ROBO2: variants seen among roughly 807,000 people sequenced by gnomAD.
ROBO2 encodes the protein roundabout guidance receptor 2.
A neutral mutation model predicts 160.8 loss-of-function variants in ROBO2; 53 were observed. The observed-to-expected ratio is 0.33, with a 90% CI of 0.26 to 0.41. The LOEUF (loss-of-function observed/expected upper bound fraction) is 0.41, where lower values mean the gene tolerates loss of function less well. ROBO2 is among the 10% of genes least tolerant of loss of function. The pLI, the probability that ROBO2 is intolerant of heterozygous loss-of-function variation, is 1.00. For synonymous variants in ROBO2, 664 were observed against 611.7 expected, an observed-to-expected ratio of 1.09 and a Z score of -1.26; for missense variants, 1,577 against 1,722.4, an observed-to-expected ratio of 0.92 and a Z score of 1.49.
chr3:77,344,588 G>C (rs2067426906), intron 2 of ROBO2, among the ~76,000 whole-genome samples: 1 of 152,128 alleles, frequency 6.6e-6, no homozygotes, highest in South Asian at 2.1e-4. Context: ...CCAGTGACTT[G>C]ATTTGGATTT....
chr3:76,570,364 T>C lies in ROBO2; in HGVS notation c.110-527650T>C, dbSNP rs533966322. ...TACTTAAAACAGAGAGGATAAATCA[T>C]AGAAATAACTTAGTCTAGACACATT... On this transcript the variant is annotated intron_variant, in intron 2 of 26. Coordinates refer to the ROBO2 transcript ENST00000487694. Among the ~76,000 whole-genome samples, 15 of 152,296 alleles carry C rather than the reference T, an allele frequency of 9.8e-5. No homozygotes were observed. In the East Asian group the frequency reaches 2.7e-3, roughly 27 times the overall value.
rs547880354 is a variant in ROBO2 at position 77,104,862 on chromosome 3, G to A, written c.388+6522G>A. On this transcript the variant is annotated intron_variant, in intron 2 of 25. Transcript: ENST00000461745. ...AAAAATATAGAACAATTAACCATAT[G>A]GAAACAACGGATGGCCACAAAGTTC... Among the ~76,000 whole-genome samples the A allele has an allele frequency of 9.1e-4, 139 of 152,164 alleles. 1 individual carries two copies. Among genetic ancestry groups the A allele is most frequent in the African/African-American group, 3.1e-3 (130 of 41,496 alleles).
chr3:77,095,895 A>T (rs889160691), intron 1 of ROBO2, among the ~76,000 whole-genome samples: 2 of 151,772 alleles, frequency 1.3e-5, no homozygotes, highest in Non-Finnish European at 2.9e-5. Context: ...TTACCTATCT[A>T]GATGCTTTGG....
At chr3:76,450,645 A>G (rs937571211) in intron 2 of ROBO2, among the ~76,000 whole-genome samples, 4 of 152,248 alleles carry the variant, frequency 2.6e-5, no homozygotes, top group Non-Finnish European at 5.9e-5. Flanking sequence ...TGGCTTTGTG[A>G]TGAAGTTATG....
chr3:76,715,339 C>G (rs958680817), intron 2 of ROBO2, among the ~76,000 whole-genome samples: 17 of 152,062 alleles, frequency 1.1e-4, no homozygotes, highest in African/African-American at 3.9e-4. Flanking sequence ...AAACAAAAAC[C>G]CTGTATGACT....
chr3:77,603,150 GCTCA>G, intron 20 of ROBO2: 1 of 442,246 alleles, frequency 2.3e-6, no homozygotes, highest in South Asian at 1.6e-5. Context: ...CTGAATCACA[GCTCA>G]CTGTCAGGCA....
At chr3:76,857,292 C>T (rs968934437) in intron 2 of ROBO2, among the ~76,000 whole-genome samples, 2 of 152,140 alleles carry the variant, frequency 1.3e-5, no homozygotes, top group South Asian at 4.1e-4. Context: ...TTTAAATCCT[C>T]TTGTGAAATA....
chr3:76,649,452 G>GT (rs1404011517), intron 2 of ROBO2, among the ~76,000 whole-genome samples: 8 of 151,966 alleles, frequency 5.3e-5, no homozygotes, highest in Non-Finnish European at 8.8e-5. Flanking sequence ...GTTGTTGCTG[G>GT]TTTTTTTAGA....
At chr3:77,272,422 G>T (rs893004002) in intron 2 of ROBO2, among the ~76,000 whole-genome samples, 7 of 152,010 alleles carry the variant, frequency 4.6e-5, no homozygotes, top group African/African-American at 1.7e-4. Flanking sequence ...AGGGCGGGGG[G>T]GAGGTGTCAC....
At chr3:76,195,648 T>C (rs1255370930) in intron 2 of ROBO2, among the ~76,000 whole-genome samples, 3 of 152,198 alleles carry the variant, frequency 2.0e-5, no homozygotes, top group African/African-American at 7.2e-5. Context: ...GGATGCTTAG[T>C]AGATACACAC....
rs1431245606 is a variant in ROBO2 at position 77,438,683 on chromosome 3, T to C, written c.389-38731T>C. ...TATATGTGCTTACTAGTCATTTAAA[T>C]TGTAACCATTTAAAAATGTAAATAG... On this transcript the variant is annotated intron_variant, in intron 2 of 25. Coordinates refer to ENST00000461745, the Ensembl canonical transcript of ROBO2. Among the ~76,000 whole-genome samples the C allele has an allele frequency of 3.3e-5, 5 of 152,096 alleles. No individual in the cohort carries two copies. The East Asian group carries it at 5.8e-4, about 18-fold the overall frequency.
At chr3:76,323,992 A>G (rs1488355841) in intron 2 of ROBO2, among the ~76,000 whole-genome samples, 1 of 152,194 alleles carries the variant, frequency 6.6e-6, no homozygotes, top group African/African-American at 2.4e-5. Context: ...TAATACATAA[A>G]CATTGAGAAA....
chr3:77,219,429 T>A (rs2085429300), intron 2 of ROBO2, among the ~76,000 whole-genome samples: 1 of 107,878 alleles, frequency 9.3e-6, no homozygotes, highest in Non-Finnish European at 1.9e-5. Context: ...TGTGTGTATG[T>A]GTGTGTATAT....
intron 2 of ROBO2, among the ~76,000 whole-genome samples, chr3:75,966,530 G>T (rs1463266817): frequency 1.3e-5 from 2 of 151,648 alleles, no homozygotes; most frequent in Non-Finnish European, 3.0e-5. Flanking sequence ...AGACTGTGGT[G>T]CTGCCATGCT....
chr3:77,649,367 T>C (rs1302160468), exon 26 of ROBO2: 2 of 152,198 alleles, frequency 1.3e-5, no homozygotes, highest in African/African-American at 4.8e-5. Context: ...TCAATTTCTA[T>C]TCAATAAACT....
In ROBO2 at chr3:77,503,508, A is replaced by T. The variant is rs982202410; in HGVS notation, c.806+10126A>T. Among the ~76,000 whole-genome samples the T allele has an allele frequency of 2.0e-5, 3 of 150,400 alleles. No homozygotes were observed. The Admixed American group carries it at 2.0e-4, about 10-fold the overall frequency. Reference sequence around the variant, plus strand: ...CACTGCACTCCAGCCTGGGCCACAGAGAGAGAGTCCGTCTCTAAATAAATA... The same window carrying T: ...CACTGCACTCCAGCCTGGGCCACAGTGAGAGAGTCCGTCTCTAAATAAATA... On this transcript the variant is annotated intron_variant, in intron 5 of 25. Transcript: ENST00000461745.
intron 2 of ROBO2, among the ~76,000 whole-genome samples, chr3:77,384,503 C>T (rs2153491073): frequency 6.6e-6 from 1 of 152,164 alleles, no homozygotes; most frequent in South Asian, 2.1e-4. Context: ...AAATAAATAC[C>T]TCTCTCCAAC....
At chr3:77,593,727 C>T (rs527683112) in intron 17 of ROBO2, among the ~76,000 whole-genome samples, 1 of 152,034 alleles carries the variant, frequency 6.6e-6, no homozygotes, top group South Asian at 2.1e-4. Flanking sequence ...ATTTAAAGAG[C>T]GATCATCATA....
chr3:76,925,483 C>T (rs1427931830), intron 2 of ROBO2, among the ~76,000 whole-genome samples: 3 of 151,940 alleles, frequency 2.0e-5, no homozygotes, highest in African/African-American at 4.8e-5. Context: ...AACTGTCTTC[C>T]ATATCAAAAT....
Sources: allele counts gnomAD v4.1 joint callset (sites outside exome capture counted in the v4.1 genomes callset), GRCh38; gene constraint gnomAD v4.1.1; transcripts MANE v1.5; gene names NCBI Gene and HGNC (gene_info 2026-07-23, HGNC 2026-07-21).